WDR1: variants seen among roughly 807,000 people sequenced by gnomAD.
The protein encoded by WDR1 is WD repeat-containing protein 1.
Under a neutral mutation model 71.9 loss-of-function variants are expected in WDR1, and 21 were observed. The ratio of observed to expected loss-of-function variants is 0.29; its 90% CI spans 0.21 to 0.42. The LOEUF is 0.42. WDR1 is among the 10% of genes least tolerant of loss of function. WDR1 has a pLI of 1.00. For missense variants in WDR1, 696 were observed against 824.5 expected (o/e 0.84, Z 1.91); for synonymous variants, 424 against 347.4 (o/e 1.22, Z -2.45).
chr4:10,085,567 A>C (rs1383728064), intron 8 of WDR1, among the ~76,000 whole-genome samples: 1 of 152,188 alleles, frequency 6.6e-6, no homozygotes, highest in Admixed American at 6.5e-5. Context: ...CTTCCTGCCA[A>C]ATCAGAACGT....
chr4:10,101,414 C>A (rs1383468596), intron 3 of WDR1, among the ~76,000 whole-genome samples: 1 of 152,238 alleles, frequency 6.6e-6, no homozygotes, highest in Non-Finnish European at 1.5e-5. Context: ...CCCTACCACA[C>A]TATTTTTAGC....
At chr4:10,095,998 G>T (rs1457832692) in intron 5 of WDR1, 1 of 152,328 alleles carries the variant, frequency 6.6e-6, no homozygotes, top group Non-Finnish European at 1.5e-5. Context: ...CTGGGCCAGG[G>T]CAGTGGGGTG....
At chr4:10,101,777 G>A (rs1442505504) in intron 3 of WDR1, among the ~76,000 whole-genome samples, 1 of 152,246 alleles carries the variant, frequency 6.6e-6, no homozygotes, top group African/African-American at 2.4e-5. Context: ...CCAGGCAGGA[G>A]CGGAGGCCCT....
At chr4:10,086,410 G>C (rs1052191719) in intron 8 of WDR1, among the ~76,000 whole-genome samples, 3 of 152,190 alleles carry the variant, frequency 2.0e-5, no homozygotes, top group African/African-American at 7.2e-5. Flanking sequence ...CCGGCACAAA[G>C]GAACCGTGAC....
At chr4:10,087,236 G>A (rs1711635312) in intron 8 of WDR1, among the ~76,000 whole-genome samples, 1 of 152,218 alleles carries the variant, frequency 6.6e-6, no homozygotes, top group Non-Finnish European at 1.5e-5. Flanking sequence ...ACTCCAGGCA[G>A]CGCCAAGGCC....
chr4:10,098,947 G>A (rs1487888758), intron 4 of WDR1, 45 bp downstream of exon 4: 5 of 1,611,982 alleles, frequency 3.1e-6, no homozygotes, highest in Non-Finnish European at 4.2e-6. Flanking sequence ...ATGGACGCAT[G>A]AGCCACAGCA....
intron 2 of WDR1, chr4:10,108,364 C>T (rs1713147688): frequency 6.6e-6 from 1 of 152,204 alleles, no homozygotes; most frequent in African/African-American, 2.4e-5. Context: ...CCACAGTGAA[C>T]CTGATGGAAC....
At chr4:10,103,181 G>C (rs1712800167) in intron 3 of WDR1, among the ~76,000 whole-genome samples, 1 of 152,120 alleles carries the variant, frequency 6.6e-6, no homozygotes, top group African/African-American at 2.4e-5. Flanking sequence ...TAAAACGTGA[G>C]CGCTGGCCTG....
chr4:10,115,754 C>G (rs949023737), intron 2 of WDR1: 5 of 176,656 alleles, frequency 2.8e-5, no homozygotes, highest in Non-Finnish European at 6.0e-5. Context: ...TCTGATCCCT[C>G]AAATCCGGAG....
chr4:10,115,477 G>C (rs1713655107), intron 2 of WDR1, among the ~76,000 whole-genome samples: 1 of 152,220 alleles, frequency 6.6e-6, no homozygotes, highest in African/African-American at 2.4e-5. Flanking sequence ...AGAGGCCCGG[G>C]TGTTTTTCCG....
At position 10,075,350 on chromosome 4, in the gene WDR1, G is replaced by T. The variant is rs1242532089; in HGVS notation, c.*28C>A. On this transcript the variant is annotated 3_prime_UTR_variant, in exon 15 of 15. Transcript: ENST00000499869. ...CAGTTAAACTCTAGTCCCTGATTCG[G>T]TCCATCCAGAGGCGGGGGTGGGGCT... 2 of 1,600,722 alleles carry T rather than the reference G, an allele frequency of 1.2e-6. No individual in the cohort carries two copies. Among genetic ancestry groups the T allele is most frequent in the Admixed American group, 1.7e-5 (1 of 59,858 alleles).
intron 5 of WDR1, among the ~76,000 whole-genome samples, chr4:10,094,128 C>T (rs889824648): frequency 6.6e-6 from 1 of 152,204 alleles, no homozygotes; most frequent in African/African-American, 2.4e-5. Flanking sequence ...CACCTACAAT[C>T]ACAGCTTGTT....
At chr4:10,111,137 T>C (rs1333949825) in intron 2 of WDR1, among the ~76,000 whole-genome samples, 1 of 152,218 alleles carries the variant, frequency 6.6e-6, no homozygotes, top group East Asian at 1.9e-4. Context: ...TGGATCTGAT[T>C]ACTTGTCTGT....
At chr4:10,098,285 T>C (rs1350182679) in intron 4 of WDR1, among the ~76,000 whole-genome samples, 1 of 152,212 alleles carries the variant, frequency 6.6e-6, no homozygotes, top group East Asian at 1.9e-4. Context: ...AACACTGTTT[T>C]AGTTACTATT....
At chr4:10,082,772 T>C (rs1765066488) in intron 10 of WDR1, among the ~76,000 whole-genome samples, 1 of 152,220 alleles carries the variant, frequency 6.6e-6, no homozygotes, top group African/African-American at 2.4e-5. Flanking sequence ...TGTGATCTGC[T>C]GCCCCTGCTT....
chr4:10,093,188 A>G, intron 5 of WDR1: 1 of 1,279,290 alleles, frequency 7.8e-7, no homozygotes, highest in Non-Finnish European at 1.0e-6. Context: ...CAGCTCAGGA[A>G]CCCTCTGGGA....
At position 10,076,267 on chromosome 4, in the gene WDR1, G is replaced by A. The variant is rs146322815; in HGVS notation, c.1715-783C>T. 5.3e-3 allele frequency: 810 copies of A among 152,538 alleles called. 7 individuals are homozygous for A. The highest frequency in any genetic ancestry group is 0.02 in the Middle Eastern group (6 of 298). 9.4% of individuals were successfully genotyped at this position (152,538 alleles called of 1,614,324 possible). On this transcript the variant is annotated intron_variant, in intron 14 of 14. Coordinates refer to ENST00000499869, the MANE Select transcript of WDR1 (RefSeq NM_017491.5). ...GCGGGTGGCACAGGTGCCCAGGAGC[G>A]CCTTCAACCACCAAGCATGACTTGG...
chr4:10,093,554 C>T (rs1276879615), intron 5 of WDR1, among the ~76,000 whole-genome samples: 6 of 152,240 alleles, frequency 3.9e-5, no homozygotes, highest in Admixed American at 1.3e-4. Context: ...TCCCGTCACC[C>T]GGGACGGGTC....
rs774244793 is a variant in WDR1, at chr4:10,097,754, G to A, written c.515C>T (p.Ala172Val). Residue 172 changes from alanine (A) to valine (V), a missense_variant, in exon 5 of 15, where the codon GCA (alanine) becomes GTA (valine). Coordinates refer to ENST00000499869, the MANE Select transcript of WDR1 (RefSeq NM_017491.5). The stretch of plus-strand genomic sequence containing the variant: ...CTTGAATGGGGGTCCCTCAAAGAAT[G>A]CCGCGCAGTTATCATCGCTTCCCGT... ...LATGSDDNCA[A>V]FFEGPPFKFK... is the part of the protein sequence containing the mutation. The A allele has an allele frequency of 1.7e-5, 27 of 1,612,932 alleles. No individual in the cohort carries two copies.
Sources: allele counts gnomAD v4.1 joint callset (sites outside exome capture counted in the v4.1 genomes callset), GRCh38; gene constraint gnomAD v4.1.1; transcripts MANE v1.5; gene names NCBI Gene and HGNC (gene_info 2026-07-23, HGNC 2026-07-21).